The following ADAMTS3 variants were observed in gnomAD, a reference collection of about 807,000 sequenced individuals.
ADAMTS3 encodes A disintegrin and metalloproteinase with thrombospondin motifs 3.
In ADAMTS3, 73 loss-of-function variants were observed where a neutral mutation model predicts 129.0. The observed-to-expected ratio is 0.57, with a 90% CI of 0.47 to 0.69. ADAMTS3 has a LOEUF of 0.69. Among genes scored for constraint, ADAMTS3 ranks in the 30% least tolerant of loss-of-function variants. The pLI, the probability that ADAMTS3 is intolerant of heterozygous loss-of-function variation, is 0.00. For synonymous variants in ADAMTS3, 477 were observed against 510.8 expected (o/e 0.93, Z 0.89); for missense variants, 1,457 against 1,514.5 (o/e 0.96, Z 0.63).
At chr4:72,390,934 T>A (rs1721577065) in intron 4 of ADAMTS3, among the ~76,000 whole-genome samples, 1 of 151,634 alleles carries the variant, frequency 6.6e-6, no homozygotes, top group Admixed American at 6.6e-5. Flanking sequence ...TTTTTAAAGC[T>A]TCTTTTATAT....
chr4:72,416,127 A>G (rs903099257), intron 3 of ADAMTS3, among the ~76,000 whole-genome samples: 61 of 126,268 alleles, frequency 4.8e-4, no homozygotes, highest in African/African-American at 1.7e-3. Context: ...TAGAAATAAA[A>G]GGGAGGTGTC....
intron 4 of ADAMTS3, among the ~76,000 whole-genome samples, chr4:72,366,955 C>T (rs1720885006): frequency 6.6e-6 from 1 of 151,718 alleles, no homozygotes; most frequent in African/African-American, 2.4e-5. Flanking sequence ...TCTCCTTTAT[C>T]CTCTTTTGCT....
chr4:72,463,138 T>G (rs1435048109), intron 3 of ADAMTS3, among the ~76,000 whole-genome samples: 2 of 151,996 alleles, frequency 1.3e-5, no homozygotes, highest in Non-Finnish European at 2.9e-5. Context: ...GTGTTATAAC[T>G]GCCTACAGTA....
Position 72,568,797 on chromosome 4 carries a change from A to T in ADAMTS3, c.-35T>A. 6.3e-7 allele frequency: 1 copy of T among 1,576,118 alleles called. No homozygotes were observed. The highest frequency in any genetic ancestry group is 8.7e-7 in the Non-Finnish European group (1 of 1,146,190). ...AGTTCACTTTCCAACTACTGGGCAAAGCAAATGCCCAGAGCAAACCCACCC... is the reference window on the plus strand; with the variant it reads ...AGTTCACTTTCCAACTACTGGGCAATGCAAATGCCCAGAGCAAACCCACCC... On this transcript the variant is annotated 5_prime_UTR_variant, in exon 1 of 22. Coordinates refer to ENST00000286657, the MANE Select transcript of ADAMTS3 (RefSeq NM_014243.3).
intron 17 of ADAMTS3, among the ~76,000 whole-genome samples, chr4:72,300,473 C>T (rs1718921009): frequency 6.6e-6 from 1 of 152,128 alleles, no homozygotes; most frequent in Non-Finnish European, 1.5e-5. Context: ...GGCCTCCAAT[C>T]ATTCATATTT....
intron 4 of ADAMTS3, among the ~76,000 whole-genome samples, chr4:72,374,567 C>A (rs1560491782): frequency 1.3e-5 from 2 of 152,024 alleles, no homozygotes; most frequent in African/African-American, 4.8e-5. Flanking sequence ...TGAAAATAAA[C>A]CCTTCCATAA....
At chr4:72,500,377 A>G (rs1159612627) in intron 3 of ADAMTS3, among the ~76,000 whole-genome samples, 1 of 151,998 alleles carries the variant, frequency 6.6e-6, no homozygotes, top group Non-Finnish European at 1.5e-5. Flanking sequence ...GATTAGTGAT[A>G]TTGAGCATTT....
At chr4:72,394,911 CAT>C (rs1721687586) in intron 4 of ADAMTS3, among the ~76,000 whole-genome samples, 2 of 150,852 alleles carry the variant, frequency 1.3e-5, no homozygotes, top group Non-Finnish European at 2.9e-5. Context: ...TAGTCTCCAA[CAT>C]ATACGCACAT....
intron 4 of ADAMTS3, among the ~76,000 whole-genome samples, chr4:72,367,742 T>A (rs994150048): frequency 3.3e-5 from 5 of 151,148 alleles, no homozygotes; most frequent in African/African-American, 1.2e-4. Flanking sequence ...CCCAGCTACT[T>A]GGGAGGCTGA....
intron 16 of ADAMTS3, among the ~76,000 whole-genome samples, chr4:72,304,302 G>A (rs1719029709): frequency 6.6e-6 from 1 of 151,988 alleles, no homozygotes; most frequent in East Asian, 1.9e-4. Context: ...ACAGCAAGAT[G>A]GTTAAATAGG....
rs79278444 is a variant in ADAMTS3, at chr4:72,406,112, T to A, written c.661+8703A>T. On this transcript the variant is annotated intron_variant, in intron 4 of 21. Coordinates refer to ENST00000286657, the MANE Select transcript of ADAMTS3 (RefSeq NM_014243.3). ...TGAATCAGTGTCAATGTGGGTCCCA[T>A]ACCAGAAGCTGTGAGTGAGTGGATC... Among the ~76,000 whole-genome samples, 598 of 152,178 alleles carry A rather than the reference T, an allele frequency of 3.9e-3. 17 individuals carry two copies. In the East Asian group the frequency reaches 0.048, roughly 12 times the overall value.
intron 4 of ADAMTS3, among the ~76,000 whole-genome samples, chr4:72,370,527 G>A (rs1578622222): frequency 6.6e-6 from 1 of 151,948 alleles, no homozygotes; most frequent in African/African-American, 2.4e-5. Context: ...TTCCCCTCAC[G>A]CATTTCCCGT....
intron 16 of ADAMTS3, among the ~76,000 whole-genome samples, chr4:72,305,514 C>A (rs904885556): frequency 6.6e-6 from 1 of 151,832 alleles, no homozygotes; most frequent in Non-Finnish European, 1.5e-5. Flanking sequence ...TTTTCTTATT[C>A]CTTAGAGCAA....
intron 19 of ADAMTS3, among the ~76,000 whole-genome samples, chr4:72,293,473 G>A (rs1718728642): frequency 6.6e-6 from 1 of 152,088 alleles, no homozygotes; most frequent in Admixed American, 6.6e-5. Flanking sequence ...CTGTGAAATG[G>A]TGAGATCGCT....
chr4:72,284,671 CTT>C (rs1718455160), intron 21 of ADAMTS3, among the ~76,000 whole-genome samples: 1 of 152,078 alleles, frequency 6.6e-6, no homozygotes, highest in Admixed American at 6.6e-5. Context: ...ATTGACAGCA[CTT>C]TGTCTAAAAA....
At chr4:72,430,303 A>C (rs888306375) in intron 3 of ADAMTS3, among the ~76,000 whole-genome samples, 2 of 152,038 alleles carry the variant, frequency 1.3e-5, no homozygotes, top group Non-Finnish European at 2.9e-5. Flanking sequence ...CAAGACTTGC[A>C]GCTTCTGCTG....
intron 5 of ADAMTS3, 120 bp downstream of exon 5, chr4:72,339,374 C>A: frequency 1.2e-6 from 1 of 811,452 alleles, no homozygotes; most frequent in Non-Finnish European, 2.0e-6. Flanking sequence ...AAATTTAATG[C>A]CATCATGCAC....
In ADAMTS3 at chr4:72,283,355, A is replaced by G. The variant is rs2109761235; in HGVS notation, c.3399T>C (p.Ser1133=). 6.2e-7 allele frequency: 1 copy of G among 1,612,372 alleles called. No individual in the cohort carries two copies. Among genetic ancestry groups the G allele is most frequent in the South Asian group, 1.1e-5 (1 of 90,958 alleles). The part of the protein sequence containing the change: ...KPDGANLRQR[S]AQQAGSKTVR... ...CAGTCTTACTTCCTGCTTGCTGAGC[A>G]CTCCTCTGGCGTAAATTAGCACCAT... Residue 1133 remains serine (S), a synonymous_variant, in exon 22 of 22, where the codon AGT becomes AGC. Transcript: ENST00000286657.
At chr4:72,342,949 G>C (rs1381869805) in intron 4 of ADAMTS3, among the ~76,000 whole-genome samples, 1 of 152,154 alleles carries the variant, frequency 6.6e-6, no homozygotes, top group African/African-American at 2.4e-5. Context: ...AGTGGGTTTA[G>C]GAACAGAGGT....
Sources: allele counts gnomAD v4.1 joint callset (sites outside exome capture counted in the v4.1 genomes callset), GRCh38; gene constraint gnomAD v4.1.1; transcripts MANE v1.5; gene names NCBI Gene and HGNC (gene_info 2026-07-23, HGNC 2026-07-21).